The following SCN11A variants were observed in gnomAD, a reference collection of about 807,000 sequenced individuals.
SCN11A encodes the protein sodium channel protein type 11 subunit alpha.
SCN11A carries 122 observed loss-of-function variants against 162.2 expected under a neutral mutation model. That is an observed-to-expected ratio of 0.75 (90% CI 0.65 to 0.87). The LOEUF (loss-of-function observed/expected upper bound fraction) is 0.87. Ranked by LOEUF, SCN11A falls within the 40% of genes least tolerant of loss-of-function variation. The pLI, the probability that SCN11A is intolerant of heterozygous loss-of-function variation, is 0.00. For synonymous variants in SCN11A, 758 were observed against 751.5 expected, an observed-to-expected ratio of 1.01 and a Z score of -0.14; for missense variants, 2,015 against 2,181.6, an observed-to-expected ratio of 0.92 and a Z score of 1.52.
chr3:39,048,786 C>T (rs1314984728), intron 1 of SCN11A, among the ~76,000 whole-genome samples: 1 of 152,170 alleles, frequency 6.6e-6, no homozygotes, highest in Non-Finnish European at 1.5e-5. Context: ...AGCTTTCAAC[C>T]AGATTTTTCT....
chr3:38,982,541 C>A (rs902986214), intron 2 of SCN11A, among the ~76,000 whole-genome samples: 1 of 152,142 alleles, frequency 6.6e-6, no homozygotes, highest in Non-Finnish European at 1.5e-5. Flanking sequence ...TGCTTCAGAG[C>A]TATTGCTTTT....
At chr3:39,044,148 T>C (rs1004117237) in intron 1 of SCN11A, among the ~76,000 whole-genome samples, 1 of 152,144 alleles carries the variant, frequency 6.6e-6, no homozygotes, top group Non-Finnish European at 1.5e-5. Context: ...TAAAAGGGTG[T>C]AACAATTTTA....
At position 38,871,332 on chromosome 3, in the gene SCN11A, G is replaced by A. The variant is rs922383423; in HGVS notation, c.3759+113C>T. The A allele has an allele frequency of 6.6e-6, 7 of 1,060,408 alleles. No individual in the cohort carries two copies. The Admixed American group carries it at 2.0e-4, about 30-fold the overall frequency. 65.7% of individuals were successfully genotyped at this position (1,060,408 alleles called of 1,614,324 possible). A position where few individuals can be genotyped will look rare whatever the true frequency, so the allele number is the denominator to read the frequency against. On this transcript the variant is annotated intron_variant, in intron 25 of 29. Transcript: ENST00000302328. ...CATTGGCTTTCATATAAGGAATTAG[G>A]ATTTGCTTCTATTATCACAATGGAG...
chr3:38,876,991 T>TATATATAGA (rs1368377222), intron 23 of SCN11A, among the ~76,000 whole-genome samples: 1 of 149,984 alleles, frequency 6.7e-6, no homozygotes, highest in Non-Finnish European at 1.5e-5. Flanking sequence ...AAATGTGATA[T>TATATATAGA]ATATATAGAG....
At chr3:38,950,984 G>A (rs775321086) in intron 4 of SCN11A, among the ~76,000 whole-genome samples, 15 of 152,252 alleles carry the variant, frequency 9.9e-5, no homozygotes, top group Non-Finnish European at 1.9e-4. Context: ...AGGTGACAGC[G>A]TGCTGGCAGT....
intron 5 of SCN11A, among the ~76,000 whole-genome samples, chr3:38,947,994 C>T (rs951248988): frequency 6.6e-6 from 1 of 152,236 alleles, no homozygotes; most frequent in South Asian, 2.1e-4. Context: ...GCTACCTTGG[C>T]TCAGGTGCCA....
intron 11 of SCN11A, among the ~76,000 whole-genome samples, chr3:38,911,615 T>C (rs1049900160): frequency 3.3e-5 from 5 of 152,204 alleles, no homozygotes; most frequent in African/African-American, 1.2e-4. Context: ...AGTGCTCTAG[T>C]TGTAGAATTC....
intron 2 of SCN11A, among the ~76,000 whole-genome samples, chr3:38,988,315 A>G (rs1038257047): frequency 6.6e-6 from 1 of 151,904 alleles, no homozygotes; most frequent in Admixed American, 6.6e-5. Context: ...TTCCTTCCTT[A>G]TTTATCACCT....
At chr3:38,892,324 A>G (rs2065513729) in intron 19 of SCN11A, among the ~76,000 whole-genome samples, 1 of 152,250 alleles carries the variant, frequency 6.6e-6, no homozygotes, top group South Asian at 2.1e-4. Context: ...TGGTAATACA[A>G]CACACAAGTA....
chr3:38,883,463 C>T, intron 21 of SCN11A, 76 bp from the exon 22 acceptor site: 1 of 1,410,608 alleles, frequency 7.1e-7, no homozygotes, highest in Non-Finnish European at 9.8e-7. Flanking sequence ...TCACCCCTTT[C>T]TGTGTTCATG....
At chr3:38,912,241 A>G (rs1424577282) in intron 11 of SCN11A, among the ~76,000 whole-genome samples, 1 of 151,896 alleles carries the variant, frequency 6.6e-6, no homozygotes, top group East Asian at 1.9e-4. Context: ...GTTTTGTTCA[A>G]TCTCCTCCTC....
intron 2 of SCN11A, among the ~76,000 whole-genome samples, chr3:39,028,220 C>T (rs182865676): frequency 6.4e-4 from 98 of 152,322 alleles, no homozygotes; most frequent in Non-Finnish European, 1.0e-4. Context: ...ACTTACCAAG[C>T]TCTCAGATGC....
intron 2 of SCN11A, among the ~76,000 whole-genome samples, chr3:38,969,045 A>G (rs1353629472): frequency 6.6e-6 from 1 of 152,136 alleles, no homozygotes; most frequent in African/African-American, 2.4e-5. Flanking sequence ...TTGAGCCCCA[A>G]GTAGTAGCTG....
chr3:38,963,392 AG>A (rs2066757502), intron 2 of SCN11A, among the ~76,000 whole-genome samples: 1 of 56,494 alleles, frequency 1.8e-5, no homozygotes, highest in Non-Finnish European at 3.0e-5. Context: ...TATATGATGG[AG>A]ATATATATAT....
Position 38,910,762 on chromosome 3 carries a change from T to C in SCN11A, c.960-555A>G, listed in dbSNP as rs537123156. Among the ~76,000 whole-genome samples, 27 of 152,324 alleles carry C rather than the reference T, an allele frequency of 1.8e-4. No individual in the cohort carries two copies. In the South Asian group the frequency reaches 4.1e-3, roughly 23 times the overall value. ...ATGATTTATTTAACTGCTCTGCTAA[T>C]GATGAATATTTAGGTTTCAGTAATT... is the stretch of plus-strand genomic sequence containing the variant. On this transcript the variant is annotated intron_variant, in intron 11 of 29. Coordinates refer to ENST00000302328, the MANE Select transcript of SCN11A (RefSeq NM_001349253.2).
At chr3:39,044,416 T>G (rs191466005) in intron 1 of SCN11A, among the ~76,000 whole-genome samples, 26 of 152,280 alleles carry the variant, frequency 1.7e-4, no homozygotes, top group African/African-American at 6.3e-4. Context: ...AGACCATATG[T>G]TAGCCCTCAA....
chr3:38,849,639 G>A (rs1422493063), intron 29 of SCN11A: 1 of 152,164 alleles, frequency 6.6e-6, no homozygotes, highest in Non-Finnish European at 1.5e-5. Context: ...AAAATGTCAA[G>A]TTAACAGTTT....
intron 2 of SCN11A, among the ~76,000 whole-genome samples, chr3:39,001,395 T>C (rs1042428814): frequency 1.3e-5 from 2 of 152,366 alleles, no homozygotes; most frequent in South Asian, 2.1e-4. Flanking sequence ...TTTTGGCTTC[T>C]TTCACTCAGC....
intron 11 of SCN11A, among the ~76,000 whole-genome samples, chr3:38,916,783 A>T (rs1234403286): frequency 6.6e-6 from 1 of 152,104 alleles, no homozygotes; most frequent in Non-Finnish European, 1.5e-5. Context: ...TAGACTTCAG[A>T]TCTGAGTTGT....
Sources: gnomAD v4.1 joint callset for allele counts (sites outside exome capture counted in the v4.1 genomes callset) on GRCh38, gnomAD v4.1.1 for gene constraint, MANE v1.5 for transcripts, NCBI Gene and HGNC (gene_info 2026-07-23, HGNC 2026-07-21) for gene names.